The following SRGAP2 variants were observed in gnomAD, a reference collection of about 807,000 sequenced individuals.
The protein encoded by SRGAP2 is SLIT-ROBO Rho GTPase activating protein 2.
In SRGAP2, 15 loss-of-function variants were observed where a neutral mutation model predicts 57.2. The observed-to-expected ratio is 0.26, with a 90% confidence interval of 0.18 to 0.40. The LOEUF (loss-of-function observed/expected upper bound fraction) is 0.40. Ranked by LOEUF, SRGAP2 falls within the 10% of genes least tolerant of loss-of-function variation. The pLI is 1.00. For missense variants in SRGAP2, 520 were observed against 669.6 expected (o/e 0.78, Z 2.47); for synonymous variants, 249 against 248.0 (o/e 1.00, Z -0.04).
intron 3 of SRGAP2, among the ~76,000 whole-genome samples, chr1:206,323,500 A>G (rs1299583506): frequency 6.7e-6 from 1 of 149,578 alleles, no homozygotes; most frequent in Non-Finnish European, 1.5e-5. Flanking sequence ...AGTTTCTCCT[A>G]AGCCTGCTCC....
intron 5 of SRGAP2, among the ~76,000 whole-genome samples, chr1:206,389,478 G>A (rs1553349604): frequency 6.6e-6 from 1 of 151,926 alleles, no homozygotes; most frequent in East Asian, 1.9e-4. Flanking sequence ...TGCCCGGCCT[G>A]TTCTCAGACT....
At chr1:206,422,715 T>A (rs1660424704) in intron 13 of SRGAP2, among the ~76,000 whole-genome samples, 1 of 152,216 alleles carries the variant, frequency 6.6e-6, no homozygotes, top group Admixed American at 6.5e-5. Context: ...GCAGGTGATA[T>A]GTGCCCTTGG....
chr1:206,286,300 T>C (rs1193143280), intron 2 of SRGAP2, among the ~76,000 whole-genome samples: 2 of 152,104 alleles, frequency 1.3e-5, no homozygotes, highest in Non-Finnish European at 1.5e-5. Context: ...AATGCATCTC[T>C]CCTTTGATTT....
intron 7 of SRGAP2, among the ~76,000 whole-genome samples, chr1:206,398,679 G>A (rs1657852026): frequency 1.3e-5 from 2 of 152,002 alleles, no homozygotes; most frequent in East Asian, 3.9e-4. Flanking sequence ...AATGCTGAGG[G>A]ATGTAAAGAA....
chr1:206,408,641 G>T (rs868936808), intron 10 of SRGAP2, among the ~76,000 whole-genome samples: 5 of 151,268 alleles, frequency 3.3e-5, no homozygotes, highest in African/African-American at 1.2e-4. Context: ...CATTTTTTAG[G>T]TTACGTAAGA....
intron 19 of SRGAP2, among the ~76,000 whole-genome samples, chr1:206,451,733 A>G (rs143208525): frequency 6.6e-6 from 1 of 152,164 alleles, no homozygotes; most frequent in East Asian, 1.9e-4. Flanking sequence ...TATATATGTT[A>G]TCTCTTAATC....
intron 3 of SRGAP2, among the ~76,000 whole-genome samples, chr1:206,306,416 G>C (rs1204544922): frequency 2.0e-5 from 3 of 152,042 alleles, no homozygotes; most frequent in Non-Finnish European, 4.4e-5. Context: ...GGCCTCGCTG[G>C]GCTCAGGAGT....
intron 15 of SRGAP2, chr1:206,437,635 G>A (rs1210315389): frequency 1.7e-5 from 4 of 233,780 alleles, no homozygotes; most frequent in Non-Finnish European, 3.3e-5. Flanking sequence ...TCCCCGCAGG[G>A]GCTCAGTCCC....
At chr1:206,421,355 G>A in intron 13 of SRGAP2, 81 bp downstream of exon 13, 1 of 674,024 alleles carries the variant, frequency 1.5e-6, no homozygotes. Context: ...GCCACTGTGT[G>A]CAGGACAGAC....
At chr1:206,349,478 A>C (rs1675881336) in intron 4 of SRGAP2, among the ~76,000 whole-genome samples, 1 of 150,046 alleles carries the variant, frequency 6.7e-6, no homozygotes, top group Non-Finnish European at 1.5e-5. Context: ...ATATTCATAA[A>C]GCTTTTGTGA....
At chr1:206,360,084 G>A (rs1676790156) in intron 4 of SRGAP2, among the ~76,000 whole-genome samples, 1 of 152,082 alleles carries the variant, frequency 6.6e-6, no homozygotes, top group Non-Finnish European at 1.5e-5. Flanking sequence ...GGGATTACAG[G>A]CGTGAGCCAC....
intron 15 of SRGAP2, among the ~76,000 whole-genome samples, chr1:206,437,272 G>A (rs1488432643): frequency 6.6e-6 from 1 of 152,134 alleles, no homozygotes; most frequent in African/African-American, 2.4e-5. Context: ...CCTCTTTCAC[G>A]CCGATGATCT....
intron 4 of SRGAP2, among the ~76,000 whole-genome samples, chr1:206,370,197 CG>C (rs774716870): frequency 4.1e-4 from 62 of 152,076 alleles, no homozygotes; most frequent in Middle Eastern, 3.4e-3. Context: ...ACCCAGGAGG[CG>C]GAGCTTGCAG....
At chr1:206,304,192 G>A (rs1310634720) in intron 3 of SRGAP2, among the ~76,000 whole-genome samples, 47 of 147,126 alleles carry the variant, frequency 3.2e-4, no homozygotes, top group African/African-American at 1.2e-3. Flanking sequence ...AATGATTGCA[G>A]TATTTACTAG....
chr1:206,450,032 A>G lies in SRGAP2; in HGVS notation c.2100-354A>G, dbSNP rs115160148. Among the ~76,000 whole-genome samples the G allele has an allele frequency of 7.9e-3, 1,195 of 152,148 alleles. 19 individuals carry two copies. The highest frequency in any genetic ancestry group is 0.027 in the African/African-American group (1,133 of 41,492). On this transcript the variant is annotated intron_variant, in intron 18 of 22. Coordinates refer to ENST00000573034, the MANE Select transcript of SRGAP2 (RefSeq NM_015326.5). ...TGCCGAAACCCAGTGTTTCCCTTCC[A>G]CCCTGCTTCCCCTTTGAAAACCAGG...
intron 2 of SRGAP2, chr1:206,206,343 A>C: frequency 3.3e-6 from 1 of 302,344 alleles, no homozygotes; most frequent in Non-Finnish European, 6.1e-6. Flanking sequence ...CTCTTAGAGA[A>C]AGGCAGTTTG....
chr1:206,453,155 G>A (rs1553376655), intron 19 of SRGAP2, 45 bp from the exon 20 acceptor site: 1 of 458,868 alleles, frequency 2.2e-6, no homozygotes, highest in South Asian at 4.6e-5. Context: ...TCCTGAGTCT[G>A]CAGGTCCCAA....
intron 2 of SRGAP2, among the ~76,000 whole-genome samples, chr1:206,225,611 C>T (rs1667228897): frequency 6.6e-6 from 1 of 152,060 alleles, no homozygotes; most frequent in African/African-American, 2.4e-5. Flanking sequence ...TTAAATCTGT[C>T]ATTTTCTTTT....
At chr1:206,303,869 GTCTC>G (rs1280432631) in intron 3 of SRGAP2, among the ~76,000 whole-genome samples, 1,371 of 131,446 alleles carry the variant, frequency 0.01, 4 homozygotes, top group African/African-American at 0.03. Context: ...CTTAATCTCT[GTCTC>G]TCTCTCTCTC....
Sources: gnomAD v4.1 joint callset for allele counts (sites outside exome capture counted in the v4.1 genomes callset) on GRCh38, gnomAD v4.1.1 for gene constraint, MANE v1.5 for transcripts, NCBI Gene and HGNC (gene_info 2026-07-23, HGNC 2026-07-21) for gene names.